The following LPIN1 variants were observed in gnomAD, a reference collection of about 807,000 sequenced individuals.
LPIN1 encodes the protein phosphatidate phosphatase LPIN1.
A neutral mutation model predicts 107.5 loss-of-function variants in LPIN1; 71 were observed. That is an observed-to-expected ratio of 0.66 (90% CI 0.55 to 0.80). LPIN1 has a LOEUF of 0.80. Ranked by LOEUF, LPIN1 falls within the 30% of genes least tolerant of loss-of-function variation. The probability of loss-of-function intolerance (pLI) is 0.00; values close to 1 mark genes in which losing one functional copy is unlikely to be tolerated. For synonymous variants in LPIN1, 445 were observed against 452.6 expected, an observed-to-expected ratio of 0.98 and a Z score of 0.21; for missense variants, 1,043 against 1,160.6, an observed-to-expected ratio of 0.90 and a Z score of 1.47.
chr2:11,715,466 T>A (rs1663674012), intron 2 of LPIN1, among the ~76,000 whole-genome samples: 3 of 151,982 alleles, frequency 2.0e-5, no homozygotes, highest in African/African-American at 7.3e-5. Context: ...GGATCAGGAG[T>A]GCAAAATCTG....
At chr2:11,683,293 C>T (rs1661823343) in intron 1 of LPIN1, 1 of 152,212 alleles carries the variant, frequency 6.6e-6, no homozygotes, top group Non-Finnish European at 1.5e-5. Flanking sequence ...AGCCAGTGAG[C>T]TAAGAACCAC....
intron 1 of LPIN1, among the ~76,000 whole-genome samples, chr2:11,678,600 C>T (rs1476833777): frequency 6.6e-6 from 1 of 152,194 alleles, no homozygotes; most frequent in Non-Finnish European, 1.5e-5. Flanking sequence ...GGCAGGCCAA[C>T]CTCCCGCTGC....
chr2:11,812,526 AG>A (rs1253341757), intron 17 of LPIN1, among the ~76,000 whole-genome samples: 1 of 152,170 alleles, frequency 6.6e-6, no homozygotes, highest in Non-Finnish European at 1.5e-5. Flanking sequence ...CAGTCCCTGC[AG>A]ACTGGGGGAA....
At chr2:11,800,945 C>A (rs1677613882) in intron 14 of LPIN1, among the ~76,000 whole-genome samples, 1 of 152,180 alleles carries the variant, frequency 6.6e-6, no homozygotes, top group African/African-American at 2.4e-5. Context: ...CGGGTTGTCT[C>A]TTCGCTCTGT....
chr2:11,811,210 A>C (rs548008156), intron 17 of LPIN1, among the ~76,000 whole-genome samples: 8 of 152,308 alleles, frequency 5.3e-5, no homozygotes, highest in African/African-American at 1.9e-4. Flanking sequence ...GTGAGTGTGC[A>C]CTGAAGGGAC....
chr2:11,734,970 A>G (rs969536672), intron 1 of LPIN1, among the ~76,000 whole-genome samples: 7 of 152,186 alleles, frequency 4.6e-5, no homozygotes, highest in African/African-American at 1.7e-4. Context: ...AGAAGGAACA[A>G]GGGATGCAGA....
rs553011959 is a variant in LPIN1, at chr2:11,704,965, A to G, written c.82-8791A>G. 3.5e-4 allele frequency among the ~76,000 whole-genome samples: 54 copies of G among 152,334 alleles called. 1 individual carries two copies. Among genetic ancestry groups the G allele is most frequent in the Admixed American group, 1.2e-3 (18 of 15,304 alleles). The stretch of plus-strand genomic sequence containing the variant: ...AGTGGCCAGGAGGACATAACCAGGA[A>G]CAGAGGAGAACTTCCACATGTTACT... On this transcript the variant is annotated intron_variant, in intron 1 of 21. Coordinates refer to the LPIN1 transcript ENST00000449576.
chr2:11,713,349 C>T (rs1663526625), intron 1 of LPIN1, among the ~76,000 whole-genome samples: 1 of 152,228 alleles, frequency 6.6e-6, no homozygotes, highest in Non-Finnish European at 1.5e-5. Flanking sequence ...CGGCTCACTG[C>T]AACCTCCGCC....
intron 12 of LPIN1, among the ~76,000 whole-genome samples, chr2:11,788,943 T>C (rs1675156419): frequency 6.6e-6 from 1 of 152,184 alleles, no homozygotes; most frequent in Non-Finnish European, 1.5e-5. Flanking sequence ...CAGCTCCCAG[T>C]CTGCAGGGGA....
At chr2:11,778,279 T>A (rs550393276) in intron 6 of LPIN1, among the ~76,000 whole-genome samples, 1 of 152,330 alleles carries the variant, frequency 6.6e-6, no homozygotes, top group East Asian at 1.9e-4. Context: ...AAAGAGAGCG[T>A]GCAGGCTGCC....
At chr2:11,792,101 A>G (rs185658274) in intron 13 of LPIN1, 95 bp downstream of exon 13, 7 of 1,068,380 alleles carry the variant, frequency 6.6e-6, no homozygotes, top group Non-Finnish European at 9.8e-6. Flanking sequence ...AGAAATGAAG[A>G]TAGGCCCTAG....
intron 1 of LPIN1, among the ~76,000 whole-genome samples, chr2:11,740,483 C>T (rs1403611181): frequency 1.3e-5 from 2 of 151,898 alleles, no homozygotes; most frequent in African/African-American, 4.8e-5. Context: ...GAGTTCCAGA[C>T]AAGCCTAAGC....
At chr2:11,715,464 A>G (rs1663673642) in intron 2 of LPIN1, among the ~76,000 whole-genome samples, 1 of 152,168 alleles carries the variant, frequency 6.6e-6, no homozygotes, top group African/African-American at 2.4e-5. Flanking sequence ...TTGGATCAGG[A>G]GTGCAAAATC....
chr2:11,721,260 A>ATGCG (rs1253813947), upstream of LPIN1, among the ~76,000 whole-genome samples: 8 of 112,358 alleles, frequency 7.1e-5, no homozygotes, highest in African/African-American at 2.9e-4. Flanking sequence ...ACTGTACTGC[A>ATGCG]TGCGTGTGTG....
intron 1 of LPIN1, among the ~76,000 whole-genome samples, chr2:11,684,056 T>C (rs1441501441): frequency 1.3e-5 from 2 of 152,212 alleles, no homozygotes; most frequent in Non-Finnish European, 2.9e-5. Flanking sequence ...AAAGTATCCA[T>C]TTAGTGAAAA....
intron 14 of LPIN1, among the ~76,000 whole-genome samples, chr2:11,797,375 A>G (rs1044982521): frequency 2.6e-5 from 4 of 152,168 alleles, no homozygotes; most frequent in Admixed American, 6.5e-5. Context: ...GCAGAAACCA[A>G]TTGGGGAGGA....
At chr2:11,715,903 C>G (rs560945383) in intron 2 of LPIN1, among the ~76,000 whole-genome samples, 1 of 152,114 alleles carries the variant, frequency 6.6e-6, no homozygotes, top group South Asian at 2.1e-4. Context: ...TACAGGGGGC[C>G]GGGGCAGGTG....
At chr2:11,758,877 A>T (rs1366947728) in intron 1 of LPIN1, among the ~76,000 whole-genome samples, 3 of 152,218 alleles carry the variant, frequency 2.0e-5, no homozygotes, top group Non-Finnish European at 4.4e-5. Flanking sequence ...GCTTACTTTT[A>T]AAAAATGAGG....
Position 11,773,738 on chromosome 2 carries a change from A to T in LPIN1, c.715A>T (p.Thr239Ser). 6.2e-7 allele frequency: 1 copy of T among 1,614,010 alleles called. No individual in the cohort carries two copies. Among genetic ancestry groups the T allele is most frequent in the Non-Finnish European group, 8.5e-7 (1 of 1,179,978 alleles). ...YPNSDREWSPTPSSLVDCKRT... is the reference protein window; with the variant it reads ...YPNSDREWSPSPSSLVDCKRT... ...TAATTCGGATAGAGAGTGGTCACCC[A>T]CTCCCAGGTAAGCTGTTCCCTGTTC... Residue 239 changes from threonine to serine, a missense_variant, in exon 5 of 21, where the codon ACT becomes TCT. Coordinates refer to ENST00000674199, the MANE Select transcript of LPIN1 (RefSeq NM_001349206.2).
Sources: allele counts gnomAD v4.1 joint callset (sites outside exome capture counted in the v4.1 genomes callset), GRCh38; gene constraint gnomAD v4.1.1; transcripts MANE v1.5; gene names NCBI Gene and HGNC (gene_info 2026-07-23, HGNC 2026-07-21).